The following DPP10 variants were observed in gnomAD, a reference collection of about 807,000 sequenced individuals.
DPP10 encodes inactive dipeptidyl peptidase 10.
DPP10 carries 33 observed loss-of-function variants against 120.9 expected under a neutral mutation model. That is an observed-to-expected ratio of 0.27 (90% confidence interval 0.21 to 0.37). The LOEUF is 0.37. DPP10 is among the 10% of genes least tolerant of loss of function. DPP10 has a pLI of 1.00. For synonymous variants in DPP10, 337 were observed against 326.1 expected, an observed-to-expected ratio of 1.03 and a Z score of -0.36; for missense variants, 816 against 942.8, an observed-to-expected ratio of 0.87 and a Z score of 1.76.
chr2:115,338,296 G>A (rs1047782683), intron 2 of DPP10, among the ~76,000 whole-genome samples: 1 of 151,968 alleles, frequency 6.6e-6, no homozygotes, highest in African/African-American at 2.4e-5. Context: ...GTTGTAAACA[G>A]GAGATTGTAT....
In DPP10 at chr2:114,660,871, A is replaced by G. The variant is rs145275666; in HGVS notation, c.60+218033A>G. Among the ~76,000 whole-genome samples the G allele has an allele frequency of 4.6e-3, 695 of 152,296 alleles. 5 individuals are homozygous for G. The highest frequency in any genetic ancestry group is 0.016 in the African/African-American group (671 of 41,568). The stretch of plus-strand genomic sequence containing the variant: ...TTATTATAAATGAACTGCAACTCTT[A>G]CTTTTAGATGATTTTGCTAAGAATA... On this transcript the variant is annotated intron_variant, in intron 1 of 25. Transcript: ENST00000410059.
chr2:115,502,524 A>G (rs2076732505), intron 4 of DPP10, among the ~76,000 whole-genome samples: 3 of 152,160 alleles, frequency 2.0e-5, no homozygotes, highest in African/African-American at 7.2e-5. Flanking sequence ...CCTAAGTATT[A>G]GCTGTACTCT....
At chr2:114,472,131 A>G (rs1443392686) in intron 1 of DPP10, among the ~76,000 whole-genome samples, 1 of 152,220 alleles carries the variant, frequency 6.6e-6, no homozygotes, top group Non-Finnish European at 1.5e-5. Flanking sequence ...AGATTGGTCC[A>G]TGTGATTAGG....
At chr2:115,698,777 C>T (rs548455919) in intron 7 of DPP10, among the ~76,000 whole-genome samples, 1 of 152,154 alleles carries the variant, frequency 6.6e-6, no homozygotes, top group African/African-American at 2.4e-5. Flanking sequence ...ATAAACTGCA[C>T]TGTCTTTGGT....
At chr2:114,924,985 G>T (rs1558885080) in intron 1 of DPP10, among the ~76,000 whole-genome samples, 1 of 150,842 alleles carries the variant, frequency 6.6e-6, no homozygotes, top group Non-Finnish European at 1.5e-5. Flanking sequence ...GCCGAGGGGG[G>T]CTAATCACGA....
chr2:115,288,500 T>C (rs1374142525), intron 1 of DPP10, among the ~76,000 whole-genome samples: 1 of 152,052 alleles, frequency 6.6e-6, no homozygotes, highest in Non-Finnish European at 1.5e-5. Flanking sequence ...GGTGGATCAC[T>C]TGAGGTCAGG....
intron 3 of DPP10, among the ~76,000 whole-genome samples, chr2:115,361,947 T>C (rs1044052955): frequency 9.9e-5 from 15 of 152,140 alleles, no homozygotes; most frequent in Admixed American, 7.9e-4. Flanking sequence ...TATTAACCTT[T>C]TAATTCAACT....
chr2:115,344,011 C>T, intron 3 of DPP10, 99 bp downstream of exon 3: 3 of 936,852 alleles, frequency 3.2e-6, no homozygotes, highest in African/African-American at 3.4e-5. Flanking sequence ...TGGCTTATGC[C>T]TGTCATCCCA....
intron 3 of DPP10, among the ~76,000 whole-genome samples, chr2:115,431,318 AAGG>A (rs1284726000): frequency 1.3e-5 from 2 of 152,174 alleles, no homozygotes; most frequent in Non-Finnish European, 2.9e-5. Context: ...TTTGAGTAAC[AAGG>A]AGTAGACGAC....
chr2:114,722,585 G>T (rs1701766845), intron 1 of DPP10, among the ~76,000 whole-genome samples: 1 of 151,886 alleles, frequency 6.6e-6, no homozygotes. Flanking sequence ...GACCATCCTG[G>T]CTAACACGGC....
At chr2:114,534,215 G>A (rs1207137620) in intron 1 of DPP10, among the ~76,000 whole-genome samples, 1 of 152,058 alleles carries the variant, frequency 6.6e-6, no homozygotes, top group Non-Finnish European at 1.5e-5. Flanking sequence ...ATCCCTCTGA[G>A]ACTATGAATC....
At chr2:115,205,789 A>G (rs1260622684) in intron 1 of DPP10, among the ~76,000 whole-genome samples, 1 of 152,172 alleles carries the variant, frequency 6.6e-6, no homozygotes, top group Non-Finnish European at 1.5e-5. Context: ...AGAAAATCAA[A>G]TACTGCGTGT....
intron 1 of DPP10, among the ~76,000 whole-genome samples, chr2:115,226,436 C>T (rs975406245): frequency 1.3e-5 from 2 of 152,120 alleles, no homozygotes; most frequent in Non-Finnish European, 2.9e-5. Context: ...GCCACTTAGT[C>T]ATAATGTGGC....
chr2:114,570,228 C>G (rs981913904), intron 1 of DPP10, among the ~76,000 whole-genome samples: 5 of 152,084 alleles, frequency 3.3e-5, no homozygotes, highest in African/African-American at 1.2e-4. Flanking sequence ...CAAAGACTTC[C>G]CAAATGATAA....
At chr2:114,461,632 G>A (rs1417705926) in intron 1 of DPP10, 8 of 985,268 alleles carry the variant, frequency 8.1e-6, no homozygotes, top group Non-Finnish European at 9.6e-6. Flanking sequence ...GAAAGACAGG[G>A]TAATATTTTG....
At chr2:115,011,770 C>G (rs1487580442) in intron 1 of DPP10, among the ~76,000 whole-genome samples, 1 of 152,168 alleles carries the variant, frequency 6.6e-6, no homozygotes, top group Non-Finnish European at 1.5e-5. Flanking sequence ...ACCAGGAAAG[C>G]TAAGAGAATC....
chr2:115,034,816 TC>T (rs1704112879), intron 1 of DPP10, among the ~76,000 whole-genome samples: 1 of 152,208 alleles, frequency 6.6e-6, no homozygotes, highest in Admixed American at 6.5e-5. Flanking sequence ...GATTTCTCCT[TC>T]CTTTTTCACT....
At chr2:115,090,078 T>G (rs561553083) in intron 1 of DPP10, among the ~76,000 whole-genome samples, 1 of 152,300 alleles carries the variant, frequency 6.6e-6, no homozygotes, top group South Asian at 2.1e-4. Context: ...TGATCCTCAC[T>G]TTGTGATCCA....
intron 1 of DPP10, among the ~76,000 whole-genome samples, chr2:114,578,643 C>G (rs1418959455): frequency 6.6e-6 from 1 of 152,168 alleles, no homozygotes; most frequent in Non-Finnish European, 1.5e-5. Flanking sequence ...AAAATCAGCA[C>G]ACTGACTGCA....
Sources: allele counts gnomAD v4.1 joint callset (sites outside exome capture counted in the v4.1 genomes callset), GRCh38; gene constraint gnomAD v4.1.1; transcripts MANE v1.5; gene names NCBI Gene and HGNC (gene_info 2026-07-23, HGNC 2026-07-21).